Variants in CHRNB3 observed in about 807,000 individuals in gnomAD.
The protein encoded by CHRNB3 is cholinergic receptor nicotinic beta 3 subunit.
A neutral mutation model predicts 40.6 loss-of-function variants in CHRNB3; 37 were observed. The ratio of observed to expected loss-of-function variants is 0.91; its 90% CI spans 0.70 to 1.20. The LOEUF is 1.20. Among genes scored for constraint, CHRNB3 ranks in the 50% most tolerant of loss-of-function variants. The pLI is 0.00. For synonymous variants in CHRNB3, 207 were observed against 207.1 expected, an observed-to-expected ratio of 1.00 and a Z score of 0.00; for missense variants, 505 against 551.2, an observed-to-expected ratio of 0.92 and a Z score of 0.84.
At chr8:42,713,921 A>T (rs1816059209) in intron 3 of CHRNB3, among the ~76,000 whole-genome samples, 1 of 152,164 alleles carries the variant, frequency 6.6e-6, no homozygotes, top group South Asian at 2.1e-4. Context: ...CTGAACACTA[A>T]GCCCTGCTTC....
chr8:42,733,647 C>T (rs369971024), intron 5 of CHRNB3, among the ~76,000 whole-genome samples: 22 of 126,342 alleles, frequency 1.7e-4, no homozygotes, highest in African/African-American at 4.5e-4. Flanking sequence ...GGTTGGAGTG[C>T]GGTGGTGTGA....
chr8:42,734,259 CAAA>C (rs769371275), intron 5 of CHRNB3, among the ~76,000 whole-genome samples: 235 of 23,910 alleles, frequency 9.8e-3, no homozygotes, highest in African/African-American at 0.028. Context: ...GACTCCATCT[CAAA>C]AAAAAAAAAA....
intron 3 of CHRNB3, among the ~76,000 whole-genome samples, chr8:42,718,672 C>CAA (rs59911208): frequency 1.7e-4 from 14 of 82,738 alleles, no homozygotes; most frequent in African/African-American, 5.5e-4. Flanking sequence ...GACTCTGTCT[C>CAA]AAAAAAAAAA....
chr8:42,734,461 C>G (rs1303439768), intron 5 of CHRNB3, among the ~76,000 whole-genome samples: 3 of 149,192 alleles, frequency 2.0e-5, no homozygotes, highest in African/African-American at 4.9e-5. Flanking sequence ...GCTCTGTCAC[C>G]GAGGCTGTAG....
chr8:42,702,854 A>C (rs2128904331), intron 1 of CHRNB3, among the ~76,000 whole-genome samples: 1 of 152,336 alleles, frequency 6.6e-6, no homozygotes, highest in East Asian at 1.9e-4. Flanking sequence ...ACAGCAAAAC[A>C]TCAAAAATAG....
intron 1 of CHRNB3, chr8:42,699,312 C>G (rs1430415925): frequency 1.3e-5 from 2 of 152,094 alleles, no homozygotes; most frequent in African/African-American, 4.8e-5. Context: ...GGAGGTGTAT[C>G]TTATTTATCT....
At chr8:42,717,247 G>T (rs1005895251) in intron 3 of CHRNB3, among the ~76,000 whole-genome samples, 2 of 139,310 alleles carry the variant, frequency 1.4e-5, no homozygotes, top group East Asian at 2.0e-4. Context: ...AGTGGCGGGC[G>T]CCTGTAGTCC....
At chr8:42,700,627 T>C (rs1171030911) in intron 1 of CHRNB3, among the ~76,000 whole-genome samples, 1 of 152,190 alleles carries the variant, frequency 6.6e-6, no homozygotes, top group Non-Finnish European at 1.5e-5. Flanking sequence ...GCCCAATTAT[T>C]TCTTTTCTGT....
intron 1 of CHRNB3, chr8:42,699,352 A>G (rs1017013443): frequency 2.0e-5 from 3 of 152,206 alleles, no homozygotes; most frequent in Non-Finnish European, 4.4e-5. Context: ...TGATGATATG[A>G]TAAGACACAA....
chr8:42,727,105 G>T lies in CHRNB3; in HGVS notation c.250-3489G>T, dbSNP rs571069505. On this transcript the variant is annotated intron_variant, in intron 3 of 5. Coordinates refer to ENST00000289957, the MANE Select transcript of CHRNB3 (RefSeq NM_000749.5). ...CAGATGCACAGGGCCGGGCGCCGTG[G>T]CTCACACCTGTAGTCCCAGCATTTT... is the stretch of plus-strand genomic sequence containing the variant. Among the ~76,000 whole-genome samples, 23 of 152,250 alleles carry T rather than the reference G, an allele frequency of 1.5e-4. 1 individual carries two copies. The highest frequency in any genetic ancestry group is 5.5e-4 in the African/African-American group (23 of 41,534).
intron 5 of CHRNB3, 129 bp downstream of exon 5, chr8:42,732,678 A>G: frequency 1.1e-6 from 1 of 875,222 alleles, no homozygotes. Context: ...CTTTTTATAC[A>G]TATAACATTT....
In CHRNB3 at chr8:42,724,316, A is replaced by C. The variant is rs191235241; in HGVS notation, c.250-6278A>C. 3.9e-5 allele frequency among the ~76,000 whole-genome samples: 6 copies of C among 152,292 alleles called. No homozygotes were observed. The East Asian group carries it at 1.2e-3, about 29-fold the overall frequency. ...CCCCCAACACCTAACATAAACACTTAATGGTGAACAACTAAATGCTTTCCC... is the reference window on the plus strand; with the variant it reads ...CCCCCAACACCTAACATAAACACTTCATGGTGAACAACTAAATGCTTTCCC... On this transcript the variant is annotated intron_variant, in intron 3 of 5. Transcript: ENST00000289957.
chr8:42,708,448 AGAGT>A (rs1290737667), intron 1 of CHRNB3, among the ~76,000 whole-genome samples: 13 of 149,536 alleles, frequency 8.7e-5, no homozygotes, highest in Non-Finnish European at 1.5e-4. Context: ...CCTGAGCAAC[AGAGT>A]GAGACTCTGT....
chr8:42,729,010 G>A (rs985002451), intron 3 of CHRNB3, among the ~76,000 whole-genome samples: 1 of 151,872 alleles, frequency 6.6e-6, no homozygotes, highest in Non-Finnish European at 1.5e-5. Flanking sequence ...AATTGGAAGA[G>A]GAGGAAGAAA....
Position 42,732,427 on chromosome 8 carries a change from G to GA in CHRNB3, c.1127dup (p.Lys377GlufsTer6), listed in dbSNP as rs1563616962. ...ACCAGTAGTGAAAGGCAAAGTCCTCGAAAAAAAGAAACAGAAACAGCTTAG... is the reference window on the plus strand; with the variant it reads ...ACCAGTAGTGAAAGGCAAAGTCCTCGAAAAAAAAGAAACAGAAACAGCTTAG... On this transcript the variant is annotated frameshift_variant, in exon 5 of 6. Coordinates refer to ENST00000289957, the MANE Select transcript of CHRNB3 (RefSeq NM_000749.5). LOFTEE classifies it high-confidence loss of function. 1.4e-5 allele frequency: 22 copies of GA among 1,613,176 alleles called. No individual in the cohort carries two copies. Among genetic ancestry groups the GA allele is most frequent in the South Asian group, 2.2e-5 (2 of 90,954 alleles).
At chr8:42,723,301 T>C (rs1226624918) in intron 3 of CHRNB3, among the ~76,000 whole-genome samples, 1 of 152,158 alleles carries the variant, frequency 6.6e-6, no homozygotes, top group African/African-American at 2.4e-5. Flanking sequence ...TGTTTTGCTA[T>C]TAAGGCCAAA....
chr8:42,707,867 A>G (rs1164289586), intron 1 of CHRNB3, among the ~76,000 whole-genome samples: 2 of 152,186 alleles, frequency 1.3e-5, no homozygotes, highest in Admixed American at 6.5e-5. Flanking sequence ...TAAAATGAAC[A>G]CCCACTATGG....
intron 4 of CHRNB3, among the ~76,000 whole-genome samples, chr8:42,731,012 C>A (rs1421164003): frequency 1.5e-5 from 2 of 136,400 alleles, no homozygotes; most frequent in Non-Finnish European, 3.1e-5. Flanking sequence ...TGCGCCACTG[C>A]AGTCCGCAGT....
At chr8:42,707,361 G>A (rs1472860622) in intron 1 of CHRNB3, among the ~76,000 whole-genome samples, 3 of 152,202 alleles carry the variant, frequency 2.0e-5, no homozygotes, top group Non-Finnish European at 2.9e-5. Context: ...CCCAGCATGT[G>A]GATATCTCAG....
Sources: gnomAD v4.1 joint callset for allele counts (sites outside exome capture counted in the v4.1 genomes callset) on GRCh38, gnomAD v4.1.1 for gene constraint, MANE v1.5 for transcripts, NCBI Gene and HGNC (gene_info 2026-07-23, HGNC 2026-07-21) for gene names.